Variants in PRKCA observed in about 807,000 individuals in gnomAD.
PRKCA encodes protein kinase C alpha, also known as protein kinase C alpha type.
PRKCA carries 27 observed loss-of-function variants against 87.0 expected under a neutral mutation model. The observed-to-expected ratio is 0.31, with a 90% CI of 0.23 to 0.43. The LOEUF is 0.43. Ranked by LOEUF, PRKCA falls within the 20% of genes least tolerant of loss-of-function variation. PRKCA has a pLI of 1.00. For missense variants in PRKCA, 518 were observed against 852.3 expected (o/e 0.61, Z 4.88); for synonymous variants, 329 against 311.1 (o/e 1.06, Z -0.61).
At position 66,496,224 on chromosome 17, in the gene PRKCA, A is replaced by C; in HGVS notation, c.229A>C (p.Arg77=). Residue 77 remains arginine, a synonymous_variant, in exon 3 of 17, where the codon AGG becomes CGG. Transcript: ENST00000413366. ...CQVCCFVVHK[R]CHEFVTFSCP... ...AGTTTGCTGTTTTGTGGTCCACAAGAGGTGCCATGAATTTGTTACTTTTTC... is the reference window on the plus strand; with the variant it reads ...AGTTTGCTGTTTTGTGGTCCACAAGCGGTGCCATGAATTTGTTACTTTTTC... 1 of 1,614,112 alleles carries C rather than the reference A, an allele frequency of 6.2e-7. No individual in the cohort carries two copies.
Position 66,629,714 on chromosome 17 carries a change from G to C in PRKCA, c.289-11641G>C, listed in dbSNP as rs182021700. Among the ~76,000 whole-genome samples the C allele has an allele frequency of 4.0e-3, 604 of 152,280 alleles. 3 individuals are homozygous for C. The highest frequency in any genetic ancestry group is 6.8e-3 in the Middle Eastern group (2 of 294). On this transcript the variant is annotated intron_variant, in intron 3 of 16. Coordinates refer to ENST00000413366, the MANE Select transcript of PRKCA (RefSeq NM_002737.3). ...AAAATGGTATCACATTTTAATAGAG[G>C]ATAGATCAGTGGTTGTCAGGAGTTA... is the stretch of plus-strand genomic sequence containing the variant.
At chr17:66,774,140 G>C (rs369741348) in intron 14 of PRKCA, 73 bp downstream of exon 14, 1 of 1,609,964 alleles carries the variant, frequency 6.2e-7, no homozygotes, top group Non-Finnish European at 8.5e-7. Context: ...GTTGGGCCTC[G>C]AGAGCAAGAC....
chr17:66,721,520 T>G (rs185897251), intron 8 of PRKCA, among the ~76,000 whole-genome samples: 1 of 152,186 alleles, frequency 6.6e-6, no homozygotes, highest in African/African-American at 2.4e-5. Flanking sequence ...TTCATGAGTT[T>G]TCTGGGAAAG....
Position 66,368,945 on chromosome 17 carries a change from G to T in PRKCA, c.205+62818G>T, listed in dbSNP as rs368330363. ...CTCAACCTCTCTAGCTTTTAGTTTC[G>T]TAATCTGTAGATCGTGAGGGGGGTT... On this transcript the variant is annotated intron_variant, in intron 2 of 16. Transcript: ENST00000413366. Among the ~76,000 whole-genome samples the T allele has an allele frequency of 9.9e-5, 15 of 152,196 alleles. No individual in the cohort carries two copies. The East Asian group carries it at 1.9e-3, about 20-fold the overall frequency.
At chr17:66,630,414 A>G (rs1332376324) in intron 3 of PRKCA, among the ~76,000 whole-genome samples, 1 of 152,196 alleles carries the variant, frequency 6.6e-6, no homozygotes, top group Non-Finnish European at 1.5e-5. Flanking sequence ...ACCCATTGCT[A>G]TGTGACTTGT....
chr17:66,724,741 T>C (rs895817629), intron 8 of PRKCA, among the ~76,000 whole-genome samples: 2 of 152,256 alleles, frequency 1.3e-5, no homozygotes, highest in Non-Finnish European at 2.9e-5. Context: ...CCTCAGGTTT[T>C]CTGAAATCTC....
At chr17:66,388,755 C>T (rs1910203914) in intron 2 of PRKCA, among the ~76,000 whole-genome samples, 1 of 152,178 alleles carries the variant, frequency 6.6e-6, no homozygotes, top group Non-Finnish European at 1.5e-5. Context: ...CACTGTGGGG[C>T]AGCTGCACCT....
At chr17:66,717,467 T>C (rs1234483829) in intron 8 of PRKCA, among the ~76,000 whole-genome samples, 3 of 152,184 alleles carry the variant, frequency 2.0e-5, no homozygotes, top group African/African-American at 7.2e-5. Context: ...AAAACTGATT[T>C]AGACATATCG....
chr17:66,381,620 G>T (rs1033954289), intron 2 of PRKCA, among the ~76,000 whole-genome samples: 5 of 152,156 alleles, frequency 3.3e-5, no homozygotes, highest in African/African-American at 1.2e-4. Flanking sequence ...AGTCAGATTT[G>T]CCTATGAATG....
chr17:66,708,040 GTGT>G (rs1187644671), intron 8 of PRKCA, among the ~76,000 whole-genome samples: 2 of 152,180 alleles, frequency 1.3e-5, no homozygotes, highest in Non-Finnish European at 2.9e-5. Context: ...GGTGCTCATG[GTGT>G]TGTATTTTGG....
chr17:66,643,326 A>G (rs555752611), intron 4 of PRKCA, among the ~76,000 whole-genome samples: 1 of 152,176 alleles, frequency 6.6e-6, no homozygotes, highest in Non-Finnish European at 1.5e-5. Flanking sequence ...TTCTGCATGA[A>G]TGAGGATTTT....
chr17:66,510,791 G>C (rs997350781), intron 3 of PRKCA, among the ~76,000 whole-genome samples: 6 of 152,016 alleles, frequency 3.9e-5, no homozygotes. Flanking sequence ...TGTCGCCCAA[G>C]CTGGAGTGCA....
At chr17:66,460,955 C>T (rs3895001) in intron 2 of PRKCA, among the ~76,000 whole-genome samples, 5,966 of 152,176 alleles carry the variant, frequency 0.039, 361 homozygotes, top group African/African-American at 0.13. Flanking sequence ...CCTGTAATCC[C>T]AGCACTTTGG....
intron 3 of PRKCA, among the ~76,000 whole-genome samples, chr17:66,502,365 G>T (rs1916772989): frequency 6.6e-6 from 1 of 151,678 alleles, no homozygotes; most frequent in Non-Finnish European, 1.5e-5. Flanking sequence ...CTCCTGAGTA[G>T]CTGGGACTAC....
At chr17:66,345,759 A>G (rs1275260933) in intron 2 of PRKCA, among the ~76,000 whole-genome samples, 1 of 152,212 alleles carries the variant, frequency 6.6e-6, no homozygotes, top group African/African-American at 2.4e-5. Flanking sequence ...CAGATTGAGG[A>G]TGAAGAAATC....
intron 3 of PRKCA, among the ~76,000 whole-genome samples, chr17:66,531,418 C>T (rs552006566): frequency 9.9e-5 from 15 of 152,264 alleles, no homozygotes; most frequent in African/African-American, 2.6e-4. Context: ...GGGTGGGAGC[C>T]GGTGGCATCC....
chr17:66,610,658 CTGCAGAAGGG>C (rs2143637075), intron 3 of PRKCA, among the ~76,000 whole-genome samples: 1 of 152,322 alleles, frequency 6.6e-6, no homozygotes, highest in South Asian at 2.1e-4. Flanking sequence ...AAATTTACTT[CTGCAGAAGGG>C]TGCTTCCTGT....
intron 8 of PRKCA, among the ~76,000 whole-genome samples, chr17:66,732,318 C>T (rs546220491): frequency 3.9e-5 from 6 of 152,170 alleles, no homozygotes; most frequent in Admixed American, 3.9e-4. Context: ...CAAAAAGCAT[C>T]AGTACACAGT....
Position 66,701,617 on chromosome 17 carries a change from T to G in PRKCA, c.918+12570T>G, listed in dbSNP as rs574427937. Reference sequence around the variant, plus strand: ...ATATAATACAACTCAAAGGCAAAAATAAAAAAGAAAACCCACAGATTTTAA... The same window carrying G: ...ATATAATACAACTCAAAGGCAAAAAGAAAAAAGAAAACCCACAGATTTTAA... On this transcript the variant is annotated intron_variant, in intron 8 of 16. Coordinates refer to ENST00000413366, the MANE Select transcript of PRKCA (RefSeq NM_002737.3). Among the ~76,000 whole-genome samples the G allele has an allele frequency of 4.0e-5, 6 of 151,492 alleles. No homozygotes were observed. The South Asian group carries it at 6.3e-4, about 16-fold the overall frequency.
Sources: allele counts gnomAD v4.1 joint callset (sites outside exome capture counted in the v4.1 genomes callset), GRCh38; gene constraint gnomAD v4.1.1; transcripts MANE v1.5; gene names NCBI Gene and HGNC (gene_info 2026-07-23, HGNC 2026-07-21).